Variants in ROBO2 observed in about 807,000 individuals in gnomAD.
The protein encoded by ROBO2 is roundabout homolog 2.
A neutral mutation model predicts 160.8 loss-of-function variants in ROBO2; 53 were observed. The ratio of observed to expected loss-of-function variants is 0.33; its 90% confidence interval spans 0.26 to 0.41. The LOEUF is 0.41. Among genes scored for constraint, ROBO2 ranks in the 10% least tolerant of loss-of-function variants. The pLI, the probability that ROBO2 is intolerant of heterozygous loss-of-function variation, is 1.00. For missense variants in ROBO2, 1,577 were observed against 1,722.4 expected, an observed-to-expected ratio of 0.92 and a Z score of 1.49; for synonymous variants, 664 against 611.7, an observed-to-expected ratio of 1.09 and a Z score of -1.26.
chr3:77,530,698 C>A (rs1416845260), intron 6 of ROBO2, among the ~76,000 whole-genome samples: 1 of 151,988 alleles, frequency 6.6e-6, no homozygotes, highest in African/African-American at 2.4e-5. Context: ...AAAATCTAGG[C>A]AACTATCACT....
chr3:76,722,363 G>A (rs1016894462), intron 2 of ROBO2, among the ~76,000 whole-genome samples: 13 of 151,886 alleles, frequency 8.6e-5, no homozygotes, highest in African/African-American at 1.9e-4. Context: ...CTCATGATCC[G>A]CCCTTCTCAG....
intron 2 of ROBO2, among the ~76,000 whole-genome samples, chr3:76,210,073 C>T (rs1703048548): frequency 6.6e-6 from 1 of 151,996 alleles, no homozygotes; most frequent in African/African-American, 2.4e-5. Flanking sequence ...TAGCATAAAC[C>T]ATTAAAATGA....
intron 2 of ROBO2, among the ~76,000 whole-genome samples, chr3:77,369,787 C>T (rs1459880553): frequency 6.6e-6 from 1 of 152,130 alleles, no homozygotes; most frequent in Non-Finnish European, 1.5e-5. Flanking sequence ...GTAGGGTTCT[C>T]TTTGTCCCAA....
At chr3:77,139,863 C>A (rs946787284) in intron 2 of ROBO2, among the ~76,000 whole-genome samples, 1 of 152,132 alleles carries the variant, frequency 6.6e-6, no homozygotes, top group African/African-American at 2.4e-5. Flanking sequence ...ATTTTCCCAT[C>A]AAGGCAAATC....
At chr3:76,756,083 A>G (rs2060951426) in intron 2 of ROBO2, among the ~76,000 whole-genome samples, 1 of 151,866 alleles carries the variant, frequency 6.6e-6, no homozygotes, top group South Asian at 2.1e-4. Context: ...ATATTCACCT[A>G]GTAGTCTTAG....
intron 2 of ROBO2, among the ~76,000 whole-genome samples, chr3:77,438,162 C>T (rs1426409902): frequency 1.3e-5 from 1 of 79,860 alleles, no homozygotes; most frequent in East Asian, 3.5e-4. Context: ...CTCTCTCTGT[C>T]TCTCTCGGCC....
intron 2 of ROBO2, among the ~76,000 whole-genome samples, chr3:76,319,537 GT>G (rs1324355592): frequency 6.6e-6 from 1 of 151,688 alleles, no homozygotes; most frequent in African/African-American, 2.4e-5. Flanking sequence ...TTATACTAAA[GT>G]TGCACTTGGT....
chr3:76,666,168 A>G (rs1347581365), intron 2 of ROBO2, among the ~76,000 whole-genome samples: 1 of 151,514 alleles, frequency 6.6e-6, no homozygotes, highest in East Asian at 1.9e-4. Context: ...AATAACTATT[A>G]CGATTGTTAC....
chr3:76,388,277 C>CTT (rs34539559), intron 2 of ROBO2, among the ~76,000 whole-genome samples: 2 of 142,490 alleles, frequency 1.4e-5, no homozygotes, highest in African/African-American at 2.6e-5. Context: ...CCATTTTTTT[C>CTT]TTTTTTTTTT....
chr3:77,630,116 G>A (rs984262127), intron 23 of ROBO2: 1 of 152,188 alleles, frequency 6.6e-6, no homozygotes, highest in Non-Finnish European at 1.5e-5. Flanking sequence ...GTGGTTAATA[G>A]TGTTAGTGGC....
intron 2 of ROBO2, among the ~76,000 whole-genome samples, chr3:76,624,853 CTG>C (rs1305764626): frequency 6.9e-5 from 8 of 115,382 alleles, no homozygotes; most frequent in Admixed American, 1.8e-4. Context: ...TTATAGAAAA[CTG>C]TGATATCTGG....
chr3:76,279,546 T>C (rs897533841), intron 2 of ROBO2, among the ~76,000 whole-genome samples: 2 of 151,922 alleles, frequency 1.3e-5, no homozygotes, highest in Non-Finnish European at 2.9e-5. Flanking sequence ...AAAGGCCAAT[T>C]TATAGAGATT....
intron 2 of ROBO2, chr3:76,434,480 A>G: frequency 1.3e-6 from 2 of 1,552,056 alleles, no homozygotes; most frequent in Non-Finnish European, 1.8e-6. Context: ...TGATGCTGCC[A>G]TGTTTTATAC....
chr3:76,187,206 A>C (rs1223635243), intron 2 of ROBO2, among the ~76,000 whole-genome samples: 1 of 152,068 alleles, frequency 6.6e-6, no homozygotes, highest in African/African-American at 2.4e-5. Context: ...TCATCACCTG[A>C]GTATTTCACA....
chr3:75,925,741 A>T (rs1427045032), intron 1 of ROBO2, among the ~76,000 whole-genome samples: 1 of 152,212 alleles, frequency 6.6e-6, no homozygotes, highest in East Asian at 1.9e-4. Context: ...ACATTATGTT[A>T]AAGGTAAGGC....
chr3:76,622,242 GAAAGAAAGAAAGAAAGAA>G (rs2089206876), intron 2 of ROBO2, among the ~76,000 whole-genome samples: 1 of 92,168 alleles, frequency 1.1e-5, no homozygotes, highest in African/African-American at 4.6e-5. Flanking sequence ...AAGGAAGAAA[GAAAGAAAGAAAGAAAGAA>G]AGAAAGAAAG....
rs1009671911 is a variant in ROBO2 at position 76,498,985 on chromosome 3, C to A, written c.109+561383C>A. 3.9e-5 allele frequency among the ~76,000 whole-genome samples: 6 copies of A among 152,286 alleles called. No individual in the cohort carries two copies. The East Asian group carries it at 1.2e-3, about 29-fold the overall frequency. On this transcript the variant is annotated intron_variant, in intron 2 of 26. Transcript: ENST00000487694. Reference sequence around the variant, plus strand: ...TACAGGCCTGAGCCACTGCGCCCAGCAGTTTGTCTGCTTTTAATGCATGAG... The same window carrying A: ...TACAGGCCTGAGCCACTGCGCCCAGAAGTTTGTCTGCTTTTAATGCATGAG...
chr3:77,536,194 A>T (rs1041921359), intron 6 of ROBO2, among the ~76,000 whole-genome samples: 1 of 152,134 alleles, frequency 6.6e-6, no homozygotes, highest in East Asian at 1.9e-4. Context: ...AAACTGACTC[A>T]AGGAGCACAC....
At chr3:76,974,540 G>A (rs1006175309) in intron 2 of ROBO2, among the ~76,000 whole-genome samples, 2 of 152,094 alleles carry the variant, frequency 1.3e-5, no homozygotes, top group African/African-American at 2.4e-5. Flanking sequence ...CTGCAACCCA[G>A]GTGTTCTGGT....
Sources: allele counts gnomAD v4.1 joint callset (sites outside exome capture counted in the v4.1 genomes callset), GRCh38; gene constraint gnomAD v4.1.1; transcripts MANE v1.5; gene names NCBI Gene and HGNC (gene_info 2026-07-23, HGNC 2026-07-21).